STK4: variants seen among roughly 807,000 people sequenced by gnomAD.
STK4 encodes serine/threonine kinase 4.
Under a neutral mutation model 64.9 loss-of-function variants are expected in STK4, and 30 were observed. The ratio of observed to expected loss-of-function variants is 0.46; its 90% CI spans 0.35 to 0.63. The LOEUF is 0.63. Among genes scored for constraint, STK4 ranks in the 20% least tolerant of loss-of-function variants. STK4 has a pLI of 0.01. For synonymous variants in STK4, 177 were observed against 199.0 expected, an observed-to-expected ratio of 0.89 and a Z score of 0.93; for missense variants, 466 against 598.5, an observed-to-expected ratio of 0.78 and a Z score of 2.31.
chr20:45,035,271 T>C (rs1327153320), intron 10 of STK4, among the ~76,000 whole-genome samples: 1 of 152,108 alleles, frequency 6.6e-6, no homozygotes, highest in Non-Finnish European at 1.5e-5. Context: ...AGAGAGAGAA[T>C]ATATTACTAT....
At position 44,997,973 on chromosome 20, in the gene STK4, T is replaced by A. The variant is rs577814463; in HGVS notation, c.831+667T>A. On this transcript the variant is annotated intron_variant, in intron 7 of 10. Transcript: ENST00000372806. ...ATGGAAACTTAGGGAGGTTTACTCA[T>A]TTCGGGTCACTCAGCTGGTAAGTAG... 7.9e-5 allele frequency among the ~76,000 whole-genome samples: 12 copies of A among 152,310 alleles called. No homozygotes were observed. The East Asian group carries it at 2.3e-3, about 29-fold the overall frequency.
chr20:44,998,854 T>G (rs2067783217), intron 7 of STK4, among the ~76,000 whole-genome samples: 1 of 152,074 alleles, frequency 6.6e-6, no homozygotes, highest in Admixed American at 6.6e-5. Context: ...GCGGATCACT[T>G]GAGGTCGGGA....
At chr20:44,988,533 G>GTATATATATATATATATATATATATA (rs71197589) in intron 5 of STK4, among the ~76,000 whole-genome samples, 1 of 101,576 alleles carries the variant, frequency 9.8e-6, no homozygotes, top group Admixed American at 1.2e-4. Flanking sequence ...ATGTGTGTGT[G>GTATATATATATATATATATATATATA]TATATATATA....
chr20:45,073,189 T>C lies in STK4; in HGVS notation c.1306-1829T>C, dbSNP rs117555441. Among the ~76,000 whole-genome samples the C allele has an allele frequency of 3.3e-5, 5 of 152,320 alleles. No homozygotes were observed. The East Asian group carries it at 9.6e-4, about 29-fold the overall frequency. On this transcript the variant is annotated intron_variant, in intron 10 of 10. Coordinates refer to ENST00000372806, the MANE Select transcript of STK4 (RefSeq NM_006282.5). ...ATGCCAAAGACTAGGCAAGCATTGC[T>C]ATTAGGGGTGTCCTTGGGCCAAGAA... is the stretch of plus-strand genomic sequence containing the variant.
intron 10 of STK4, among the ~76,000 whole-genome samples, chr20:45,026,494 A>G (rs2267860): frequency 0.44 from 66,289 of 151,946 alleles, 15,083 homozygotes; most frequent in Middle Eastern, 0.54. Context: ...CTTGGCTGGT[A>G]TGTTTACAGA....
chr20:45,055,417 A>C (rs1241479221), intron 10 of STK4, among the ~76,000 whole-genome samples: 1 of 152,060 alleles, frequency 6.6e-6, no homozygotes, highest in Non-Finnish European at 1.5e-5. Context: ...ATTGGCATCA[A>C]GTTTCAGATT....
chr20:45,008,159 A>G (rs1325390255), intron 9 of STK4, among the ~76,000 whole-genome samples: 3 of 152,116 alleles, frequency 2.0e-5, no homozygotes, highest in African/African-American at 4.8e-5. Flanking sequence ...GGTTCAAGCA[A>G]TTCTCCTGCC....
At chr20:45,058,116 G>A (rs1349534824) in intron 10 of STK4, among the ~76,000 whole-genome samples, 1 of 151,250 alleles carries the variant, frequency 6.6e-6, no homozygotes, top group African/African-American at 2.4e-5. Flanking sequence ...CCTATTTTAT[G>A]TTTTTGACAC....
At chr20:45,024,002 G>GC (rs1221825532) in intron 9 of STK4, among the ~76,000 whole-genome samples, 1 of 146,066 alleles carries the variant, frequency 6.8e-6, no homozygotes, top group Non-Finnish European at 1.5e-5. Flanking sequence ...CCGGGTTCAC[G>GC]CCATTCTCCT....
intron 10 of STK4, among the ~76,000 whole-genome samples, chr20:45,067,280 C>T (rs1468594620): frequency 1.3e-5 from 2 of 152,118 alleles, no homozygotes. Flanking sequence ...CAAAACATCA[C>T]CTGAGACGGG....
chr20:44,975,631 C>T (rs1342719391), intron 2 of STK4: 1 of 152,976 alleles, frequency 6.5e-6, no homozygotes, highest in African/African-American at 2.4e-5. Flanking sequence ...GGGGCTGGAA[C>T]TCGGCTCTCC....
intron 6 of STK4, among the ~76,000 whole-genome samples, chr20:44,995,665 A>G (rs1334751327): frequency 1.3e-5 from 2 of 152,126 alleles, no homozygotes; most frequent in Non-Finnish European, 2.9e-5. Context: ...GCAAACAATA[A>G]ATGAATTATG....
intron 4 of STK4, among the ~76,000 whole-genome samples, chr20:44,986,428 G>C (rs574655244): frequency 8.5e-5 from 13 of 152,336 alleles, no homozygotes; most frequent in Non-Finnish European, 1.6e-4. Context: ...TGTTGAAACA[G>C]ATTGAGCAAG....
chr20:45,024,091 G>A (rs897613124), intron 9 of STK4, among the ~76,000 whole-genome samples: 2 of 151,474 alleles, frequency 1.3e-5, no homozygotes, highest in Non-Finnish European at 2.9e-5. Context: ...TAATAGAGAT[G>A]GGGTTTCATC....
At chr20:45,039,956 C>T (rs1430301258) in intron 10 of STK4, among the ~76,000 whole-genome samples, 2 of 151,786 alleles carry the variant, frequency 1.3e-5, no homozygotes, top group African/African-American at 4.8e-5. Context: ...CTTATAGAGT[C>T]CCCTAAGAGT....
At chr20:45,040,525 A>G (rs1396945578) in intron 10 of STK4, among the ~76,000 whole-genome samples, 1 of 151,802 alleles carries the variant, frequency 6.6e-6, no homozygotes, top group Non-Finnish European at 1.5e-5. Flanking sequence ...GGTATGCTTT[A>G]TATACTCCCT....
At position 44,997,239 on chromosome 20, in the gene STK4, C is replaced by T. The variant is rs775155977; in HGVS notation, c.764C>T (p.Thr255Ile). 6.2e-7 allele frequency: 1 copy of T among 1,613,918 alleles called. No homozygotes were observed. Among genetic ancestry groups the T allele is most frequent in the Non-Finnish European group, 8.5e-7 (1 of 1,179,894 alleles). Residue 255 changes from threonine to isoleucine, a missense_variant, in exon 7 of 11, where the codon ACA (threonine) becomes ATA (isoleucine). Around this residue, in one of 2 missense-constraint regions of STK4, gnomAD observed 276 missense variants for 308.9 expected, o/e 0.89. Coordinates refer to ENST00000372806, the MANE Select transcript of STK4 (RefSeq NM_006282.5). ...CCAGAGCTATGGTCAGATAACTTTACAGATTTTGTGAAACAGTGTCTTGTA... is the reference window on the plus strand; with the variant it reads ...CCAGAGCTATGGTCAGATAACTTTATAGATTTTGTGAAACAGTGTCTTGTA... ...RKPELWSDNF[T>I]DFVKQCLVKS... is the part of the protein sequence containing the mutation.
chr20:44,996,015 C>T (rs2067723825), intron 6 of STK4, among the ~76,000 whole-genome samples: 1 of 152,156 alleles, frequency 6.6e-6, no homozygotes, highest in South Asian at 2.1e-4. Flanking sequence ...CAGTATTTCT[C>T]TAATGTTTTT....
intron 10 of STK4, among the ~76,000 whole-genome samples, chr20:45,072,894 A>G (rs758322812): frequency 3.9e-5 from 6 of 152,254 alleles, no homozygotes; most frequent in East Asian, 1.9e-4. Context: ...AATATTTACT[A>G]TCTGCCCAAC....
Sources: gnomAD v4.1 joint callset for allele counts (sites outside exome capture counted in the v4.1 genomes callset) on GRCh38, gnomAD v4.1.1 for gene constraint, gnomAD v4.1.1 regional missense constraint, MANE v1.5 for transcripts, NCBI Gene and HGNC (gene_info 2026-07-23, HGNC 2026-07-21) for gene names.